CPXM2: variants seen among roughly 807,000 people sequenced by gnomAD.
CPXM2 encodes the protein inactive carboxypeptidase-like protein X2.
A neutral mutation model predicts 86.1 loss-of-function variants in CPXM2; 66 were observed. That is an observed-to-expected ratio of 0.77 (90% CI 0.63 to 0.94). CPXM2 has a LOEUF of 0.94. CPXM2 is among the 40% of genes least tolerant of loss of function. The pLI is 0.00. For synonymous variants in CPXM2, 388 were observed against 400.2 expected (o/e 0.97, Z 0.36); for missense variants, 948 against 1,026.3 (o/e 0.92, Z 1.04).
At chr10:123,932,195 G>A (rs1482131240) in intron 2 of CPXM2, among the ~76,000 whole-genome samples, 2 of 151,996 alleles carry the variant, frequency 1.3e-5, no homozygotes, top group Non-Finnish European at 2.9e-5. Flanking sequence ...TGTAATGCAG[G>A]GTCAGTAGGC....
At position 123,923,580 on chromosome 10, in the gene CPXM2, CA is replaced by C. The variant is rs774378580; in HGVS notation, n.174+15896del. On this transcript the variant is annotated intron_variant and non_coding_transcript_variant, in intron 2 of 19. Transcript: ENST00000368854. ...TGGGCGACAGAGCGAGACTCCGTCT[CA>C]AAAAAAAAAAAAAGAAATAAACATT... 9.8e-3 allele frequency among the ~76,000 whole-genome samples: 1,186 copies of C among 120,934 alleles called. 6 individuals carry two copies. The highest frequency in any genetic ancestry group is 0.028 in the African/African-American group (908 of 31,860). 79.3% of individuals were successfully genotyped at this position (120,934 alleles called of 152,430 possible).
chr10:123,921,001 C>T (rs1945574774), intron 2 of CPXM2, among the ~76,000 whole-genome samples: 1 of 152,110 alleles, frequency 6.6e-6, no homozygotes, highest in Non-Finnish European at 1.5e-5. Context: ...GTAAGTTACC[C>T]AGTTTGTGGT....
intron 2 of CPXM2, chr10:123,939,428 G>A (rs1040409774): frequency 6.6e-6 from 1 of 152,258 alleles, no homozygotes; most frequent in African/African-American, 2.4e-5. Context: ...AAAGAGGCCA[G>A]CTCTGGAGTT....
In CPXM2 at chr10:123,799,643, G is replaced by A. The variant is rs116382826; in HGVS notation, c.654-444C>T. Reference sequence around the variant, plus strand: ...AACATTTTGGTTAGGAAGCTGATTTGGGAATGTAACAAATGAGATTTTACC... The same window carrying A: ...AACATTTTGGTTAGGAAGCTGATTTAGGAATGTAACAAATGAGATTTTACC... On this transcript the variant is annotated intron_variant, in intron 4 of 13. Transcript: ENST00000241305. Among the ~76,000 whole-genome samples the A allele has an allele frequency of 6.0e-3, 909 of 152,274 alleles. 10 individuals are homozygous for A. The highest frequency in any genetic ancestry group is 0.02 in the African/African-American group (821 of 41,532).
intron 8 of CPXM2, among the ~76,000 whole-genome samples, chr10:123,769,067 G>A (rs1776207194): frequency 6.6e-6 from 1 of 152,152 alleles, no homozygotes; most frequent in African/African-American, 2.4e-5. Context: ...CTTTTGGGAG[G>A]CAATTATTTT....
rs557174012 is a variant in CPXM2, at chr10:123,936,187, T to G, written n.174+3290A>C. ...TCATTTAATCCCCAAAGTAGCCCTGTAAGATCAGCACTATCATCCCCATTT... is the reference window on the plus strand; with the variant it reads ...TCATTTAATCCCCAAAGTAGCCCTGGAAGATCAGCACTATCATCCCCATTT... On this transcript the variant is annotated intron_variant and non_coding_transcript_variant, in intron 2 of 19. Coordinates refer to the CPXM2 transcript ENST00000368854. 3.3e-5 allele frequency among the ~76,000 whole-genome samples: 5 copies of G among 152,360 alleles called. No homozygotes were observed. The South Asian group carries it at 1.0e-3, about 32-fold the overall frequency.
chr10:123,889,941 C>T (rs1945240521), intron 1 of CPXM2, among the ~76,000 whole-genome samples: 1 of 152,112 alleles, frequency 6.6e-6, no homozygotes, highest in South Asian at 2.1e-4. Flanking sequence ...AACTAGAATG[C>T]ATGTGGATTT....
intron 1 of CPXM2, among the ~76,000 whole-genome samples, chr10:123,881,232 T>TCCCCCCCC (rs745377217): frequency 3.1e-5 from 2 of 64,868 alleles, no homozygotes; most frequent in Non-Finnish European, 3.1e-5. Context: ...AGCACCCTTC[T>TCCCCCCCC]CTTCCCTTCC....
At chr10:123,914,393 C>T (rs1295018666) in intron 2 of CPXM2, among the ~76,000 whole-genome samples, 1 of 152,158 alleles carries the variant, frequency 6.6e-6, no homozygotes, top group Non-Finnish European at 1.5e-5. Flanking sequence ...CCAGCTTTCC[C>T]CCTTCTCTCT....
intron 2 of CPXM2, among the ~76,000 whole-genome samples, chr10:123,909,889 C>T (rs1363567259): frequency 1.3e-5 from 2 of 152,210 alleles, no homozygotes; most frequent in Admixed American, 6.5e-5. Context: ...TCAACACAAT[C>T]TCATGCCAAC....
intron 6 of CPXM2, among the ~76,000 whole-genome samples, chr10:123,792,011 C>CA (rs1345901142): frequency 2.6e-5 from 4 of 152,240 alleles, no homozygotes; most frequent in African/African-American, 9.6e-5. Context: ...CCTGCCATCT[C>CA]AACCTCAAAT....
At chr10:123,895,121 C>CTTTTTTTTTTTTTTTTTTTTTTTT (rs869104432), upstream of CPXM2, among the ~76,000 whole-genome samples, 3 of 85,892 alleles carry the variant, frequency 3.5e-5, no homozygotes, top group Non-Finnish European at 4.5e-5. Context: ...TCTTTTTTTT[C>CTTTTTTTTTTTTTTTTTTTTTTTT]TTTTTTTTTT....
At chr10:123,938,044 T>A (rs1035618191) in intron 2 of CPXM2, among the ~76,000 whole-genome samples, 1 of 152,080 alleles carries the variant, frequency 6.6e-6, no homozygotes, top group African/African-American at 2.4e-5. Flanking sequence ...GAAAATGAGT[T>A]TCTAGAAAAA....
chr10:123,803,654 TTTTTTGTTTTTG>T (rs979165512), intron 4 of CPXM2, among the ~76,000 whole-genome samples: 4 of 151,890 alleles, frequency 2.6e-5, no homozygotes, highest in Non-Finnish European at 1.5e-5. Context: ...TTTTCTTCTG[TTTTTTGTTTTTG>T]TTTTTGTTTT....
Position 123,759,761 on chromosome 10 carries a change from C to T in CPXM2, c.1777+2111G>A, listed in dbSNP as rs542793478. 3.3e-5 allele frequency among the ~76,000 whole-genome samples: 5 copies of T among 152,318 alleles called. No individual in the cohort carries two copies. In the East Asian group the frequency reaches 5.8e-4, roughly 18 times the overall value. On this transcript the variant is annotated intron_variant, in intron 11 of 13. Transcript: ENST00000241305. ...CAGCTCTGTGCATCTGATGCTACCA[C>T]GACACCTGCCTTCACCGTGGAGGAG...
chr10:123,749,986 T>C (rs915164972), intron 13 of CPXM2: 1 of 360,908 alleles, frequency 2.8e-6, no homozygotes, highest in African/African-American at 2.3e-5. Context: ...TTGTTTTTTT[T>C]TTTTTTTTTT....
intron 4 of CPXM2, among the ~76,000 whole-genome samples, chr10:123,838,692 T>C (rs956126236): frequency 6.6e-6 from 1 of 152,158 alleles, no homozygotes; most frequent in Non-Finnish European, 1.5e-5. Flanking sequence ...TAGGGTACGC[T>C]CTGCACGCTT....
intron 6 of CPXM2, among the ~76,000 whole-genome samples, chr10:123,786,723 C>T (rs1847064902): frequency 6.6e-6 from 1 of 152,098 alleles, no homozygotes; most frequent in Admixed American, 6.6e-5. Context: ...AAACAGAAAC[C>T]AGCCCTTTCA....
intron 3 of CPXM2, among the ~76,000 whole-genome samples, chr10:123,850,149 T>C (rs1024113161): frequency 1.3e-5 from 2 of 152,236 alleles, no homozygotes; most frequent in Non-Finnish European, 2.9e-5. Context: ...TATTTCACTG[T>C]AGTACATAAA....
Sources: allele counts gnomAD v4.1 joint callset (sites outside exome capture counted in the v4.1 genomes callset), GRCh38; gene constraint gnomAD v4.1.1; transcripts MANE v1.5; gene names NCBI Gene and HGNC (gene_info 2026-07-23, HGNC 2026-07-21).